Variants in MYEF2 observed in about 807,000 individuals in gnomAD.
MYEF2 encodes the protein myelin gene expression factor 2.
A neutral mutation model predicts 75.2 loss-of-function variants in MYEF2; 37 were observed. The ratio of observed to expected loss-of-function variants is 0.49; its 90% CI spans 0.38 to 0.65. The LOEUF (loss-of-function observed/expected upper bound fraction) is 0.65. MYEF2 is among the 30% of genes least tolerant of loss of function. The probability of loss-of-function intolerance (pLI) is 0.00; values close to 1 mark genes in which losing one functional copy is unlikely to be tolerated. For synonymous variants in MYEF2, 195 were observed against 241.6 expected, an observed-to-expected ratio of 0.81 and a Z score of 1.79; for missense variants, 634 against 771.4, an observed-to-expected ratio of 0.82 and a Z score of 2.11.
At chr15:48,144,973 C>T (rs923179306) in intron 16 of MYEF2, among the ~76,000 whole-genome samples, 4 of 151,914 alleles carry the variant, frequency 2.6e-5, no homozygotes, top group African/African-American at 9.7e-5. Flanking sequence ...AAATATGTCA[C>T]TATTTCTTGC....
At chr15:48,167,931 C>T (rs1470145828) in intron 2 of MYEF2, among the ~76,000 whole-genome samples, 2 of 151,900 alleles carry the variant, frequency 1.3e-5, no homozygotes, top group African/African-American at 4.8e-5. Flanking sequence ...AACAGATACA[C>T]CAATGCAATT....
Position 48,147,998 on chromosome 15 carries a change from C to T in MYEF2, c.1639+1034G>A, listed in dbSNP as rs114920426. On this transcript the variant is annotated intron_variant, in intron 16 of 16. Transcript: ENST00000324324. The stretch of plus-strand genomic sequence containing the variant: ...CAATTCTTGCCTTCAAGAGCTTCCA[C>T]GTAGGATGGAAGAAAACTTGAACAA... Among the ~76,000 whole-genome samples, 388 of 151,940 alleles carry T rather than the reference C, an allele frequency of 2.6e-3. 1 individual carries two copies. Among genetic ancestry groups the T allele is most frequent in the African/African-American group, 9.1e-3 (376 of 41,506 alleles).
Position 48,141,330 on chromosome 15 carries a change from G to A in MYEF2, c.*1578C>T. On this transcript the variant is annotated 3_prime_UTR_variant, in exon 17 of 17. Coordinates refer to ENST00000324324, the MANE Select transcript of MYEF2 (RefSeq NM_016132.5). ...GTGGTGGCTCGCGCCTGTAATCCCA[G>A]GATTTTGGGAGGCCGAGGCGGGTGG... is the stretch of plus-strand genomic sequence containing the variant. 3 of 783,732 alleles carry A rather than the reference G, an allele frequency of 3.8e-6. No individual in the cohort carries two copies. Among genetic ancestry groups the A allele is most frequent in the Non-Finnish European group, 6.1e-6 (3 of 491,888 alleles). 48.5% of individuals were successfully genotyped at this position (783,732 alleles called of 1,614,324 possible). A position where few individuals can be genotyped will look rare whatever the true frequency, so the allele number is the denominator to read the frequency against.
chr15:48,149,676 A>G lies in MYEF2; in HGVS notation c.1379-305T>C, dbSNP rs80076219. ...AAATTGTATTCTGATCACTAAATAT[A>G]TCATATAAATATATAAATCCTCTAC... On this transcript the variant is annotated intron_variant, in intron 14 of 16. Coordinates refer to ENST00000324324, the MANE Select transcript of MYEF2 (RefSeq NM_016132.5). This position sits in a 1 kb window ranked among gnomAD's most constrained non-coding sequence, Gnocchi z 4.0. 7.9e-3 allele frequency: 1,396 copies of G among 176,116 alleles called. 20 individuals are homozygous for G. Among genetic ancestry groups the G allele is most frequent in the African/African-American group, 0.032 (1,357 of 42,190 alleles). The allele number at this position is 176,116 out of a possible 1,614,324, so 10.9% of individuals were successfully genotyped here.
rs1182732718 is a variant in MYEF2, at chr15:48,168,844, G to A, written c.162-5C>T. ...TTTGCTGATTCATCATTCTCCCTGTGAATTAAAAAAAGTCAAACAAACAAA... is the reference window on the plus strand; with the variant it reads ...TTTGCTGATTCATCATTCTCCCTGTAAATTAAAAAAAGTCAAACAAACAAA... On this transcript the variant is annotated splice_region_variant and splice_polypyrimidine_tract_variant and intron_variant, in intron 1 of 16. Transcript: ENST00000324324. The A allele has an allele frequency of 5.0e-6, 8 of 1,603,110 alleles. No homozygotes were observed. Among genetic ancestry groups the A allele is most frequent in the Non-Finnish European group, 6.0e-6 (7 of 1,174,130 alleles).
intron 5 of MYEF2, 152 bp from the exon 6 acceptor site, chr15:48,159,956 G>A: frequency 6.3e-6 from 5 of 789,516 alleles, no homozygotes; most frequent in Non-Finnish European, 9.6e-6. Flanking sequence ...AGAGAATTGA[G>A]TCCCATAAAA....
At chr15:48,162,052 T>A (rs968452323) in intron 5 of MYEF2, among the ~76,000 whole-genome samples, 27 of 151,736 alleles carry the variant, frequency 1.8e-4, no homozygotes, top group African/African-American at 6.3e-4. Context: ...TCTCTGCTAA[T>A]TCTATACATT....
chr15:48,177,980 G>T, intron 1 of MYEF2, 97 bp downstream of exon 1: 1 of 1,463,866 alleles, frequency 6.8e-7, no homozygotes, highest in Non-Finnish European at 9.2e-7. Flanking sequence ...GGGGTCTGGG[G>T]GTGGTTGTCC....
chr15:48,149,471 A>G lies in MYEF2; in HGVS notation c.1379-100T>C. The stretch of plus-strand genomic sequence containing the variant: ...GAGGAGAAAGGAGGAAAAGGAGATA[A>G]ACATTTTTGAGAAAGAAGGGGGAAA... On this transcript the variant is annotated intron_variant, in intron 14 of 16. Transcript: ENST00000324324. The surrounding 1 kb of genome is among the most constrained non-coding windows in gnomAD (Gnocchi z 4.0). 1 of 886,498 alleles carries G rather than the reference A, an allele frequency of 1.1e-6. No individual in the cohort carries two copies. The highest frequency in any genetic ancestry group is 2.1e-5 in the South Asian group (1 of 47,762). The allele number at this position is 886,498 out of a possible 1,614,324, so 54.9% of individuals were successfully genotyped here.
At chr15:48,147,877 A>G (rs2039348108) in intron 16 of MYEF2, among the ~76,000 whole-genome samples, 1 of 152,022 alleles carries the variant, frequency 6.6e-6, no homozygotes. Flanking sequence ...TAAATTACTG[A>G]ATAAATGAAC....
intron 2 of MYEF2, 91 bp downstream of exon 2, chr15:48,168,540 G>T: frequency 1.0e-6 from 1 of 995,436 alleles, no homozygotes; most frequent in South Asian, 1.5e-5. Context: ...TTTTGAGTCT[G>T]TGTGGCTCAG....
chr15:48,151,704 C>T, intron 12 of MYEF2, 133 bp from the exon 13 acceptor site: 1 of 1,149,846 alleles, frequency 8.7e-7, no homozygotes, highest in South Asian at 1.4e-5. Context: ...ACCCAATTTA[C>T]CTCACATGCC....
At position 48,147,145 on chromosome 15, in the gene MYEF2, A is replaced by G. The variant is rs1376230475; in HGVS notation, c.1639+1887T>C. Among the ~76,000 whole-genome samples, 3 of 152,098 alleles carry G rather than the reference A, an allele frequency of 2.0e-5. No homozygotes were observed. In the East Asian group the frequency reaches 5.8e-4, roughly 29 times the overall value. ...AACCATTATTTTATATGGCTAACAT[A>G]CTATAAAAATTTTCTATGTAGATTT... On this transcript the variant is annotated intron_variant, in intron 16 of 16. Transcript: ENST00000324324.
chr15:48,156,652 T>G (rs2039708944), intron 9 of MYEF2, among the ~76,000 whole-genome samples: 1 of 151,834 alleles, frequency 6.6e-6, no homozygotes, highest in Non-Finnish European at 1.5e-5. Context: ...ACTTTCCAAC[T>G]TAATACACAA....
At chr15:48,169,478 C>A (rs1188939080) in intron 1 of MYEF2, among the ~76,000 whole-genome samples, 1 of 152,074 alleles carries the variant, frequency 6.6e-6, no homozygotes, top group Non-Finnish European at 1.5e-5. Flanking sequence ...TACATTTTAA[C>A]CTATAAACTA....
intron 16 of MYEF2, among the ~76,000 whole-genome samples, chr15:48,143,895 GA>G (rs2039178565): frequency 1.3e-5 from 2 of 152,028 alleles, no homozygotes; most frequent in Admixed American, 1.3e-4. Context: ...GAACACTTTT[GA>G]GAGTAAAAGG....
At position 48,166,030 on chromosome 15, in the gene MYEF2, A is replaced by C. The variant is rs1265810968; in HGVS notation, c.432-4T>G. On this transcript the variant is annotated splice_polypyrimidine_tract_variant and splice_region_variant and intron_variant, in intron 4 of 16. Coordinates refer to ENST00000324324, the MANE Select transcript of MYEF2 (RefSeq NM_016132.5). ...TTCATCTTTGAATTCAACCACACTT[A>C]ATAGGGAAAAAATTTATAGGAAATG... is the stretch of plus-strand genomic sequence containing the variant. The C allele has an allele frequency of 1.9e-6, 3 of 1,580,220 alleles. No individual in the cohort carries two copies. The highest frequency in any genetic ancestry group is 1.2e-5 in the South Asian group (1 of 86,388).
At chr15:48,175,863 C>T (rs995929630) in intron 1 of MYEF2, among the ~76,000 whole-genome samples, 1 of 152,022 alleles carries the variant, frequency 6.6e-6, no homozygotes, top group Non-Finnish European at 1.5e-5. Context: ...AGTTGGAAAA[C>T]GGATCTTTTC....
rs1233855511 is a variant in MYEF2 at position 48,136,920 on chromosome 15, T to C, written c.*5988A>G. The C allele has an allele frequency of 6.2e-7, 1 of 1,613,784 alleles. No individual in the cohort carries two copies. Among genetic ancestry groups the C allele is most frequent in the African/African-American group, 1.3e-5 (1 of 75,026 alleles). On this transcript the variant is annotated 3_prime_UTR_variant, in exon 17 of 17. Transcript: ENST00000324324. The stretch of plus-strand genomic sequence containing the variant: ...TATTTTATGAAGATTCTGGCTACTC[T>C]CAGCTCTCTATAAGTTTACATGGCC...
Sources: gnomAD v4.1 joint callset for allele counts (sites outside exome capture counted in the v4.1 genomes callset) on GRCh38, gnomAD v4.1.1 for gene constraint, Gnocchi (gnomAD v3.1) non-coding constraint, MANE v1.5 for transcripts, NCBI Gene and HGNC (gene_info 2026-07-23, HGNC 2026-07-21) for gene names.